ADCY7: variants seen among roughly 807,000 people sequenced by gnomAD.
ADCY7 encodes adenylate cyclase 7, also known as adenylate cyclase type 7.
A neutral mutation model predicts 120.6 loss-of-function variants in ADCY7; 72 were observed. The ratio of observed to expected loss-of-function variants is 0.60; its 90% confidence interval spans 0.49 to 0.73. The LOEUF (loss-of-function observed/expected upper bound fraction) is 0.73. ADCY7 is among the 30% of genes least tolerant of loss of function. The pLI, the probability that ADCY7 is intolerant of heterozygous loss-of-function variation, is 0.00. For missense variants in ADCY7, 1,227 were observed against 1,486.0 expected, an observed-to-expected ratio of 0.83 and a Z score of 2.87; for synonymous variants, 661 against 628.0, an observed-to-expected ratio of 1.05 and a Z score of -0.78.
At chr16:50,282,548 G>C (rs1177477135) in intron 1 of ADCY7, among the ~76,000 whole-genome samples, 2 of 152,188 alleles carry the variant, frequency 1.3e-5, no homozygotes, top group Non-Finnish European at 2.9e-5. Context: ...AAGGCAGAGG[G>C]AAGTAATTCG....
intron 21 of ADCY7, 53 bp from the exon 22 acceptor site, chr16:50,312,837 T>TAC: frequency 1.9e-6 from 3 of 1,591,146 alleles, no homozygotes; most frequent in Non-Finnish European, 2.6e-6. Flanking sequence ...TTGCCACTCT[T>TAC]CCTGTCCCCT....
At chr16:50,262,891 C>T (rs138088381), upstream of ADCY7, among the ~76,000 whole-genome samples, 429 of 152,266 alleles carry the variant, frequency 2.8e-3, 2 homozygotes, top group Admixed American at 7.5e-3. Flanking sequence ...TGAAAGAAAG[C>T]GGGTGTTTGT....
chr16:50,253,764 C>A (rs988779303), intron 1 of ADCY7, among the ~76,000 whole-genome samples: 1 of 152,128 alleles, frequency 6.6e-6, no homozygotes, highest in African/African-American at 2.4e-5. Flanking sequence ...GCACTGGAAG[C>A]CTTTAAGCTC....
intron 7 of ADCY7, among the ~76,000 whole-genome samples, chr16:50,295,995 A>C (rs1358698122): frequency 2.0e-5 from 3 of 152,220 alleles, no homozygotes; most frequent in Admixed American, 2.0e-4. Flanking sequence ...CTGTACATGC[A>C]AATCACATGG....
At chr16:50,300,961 T>A (rs1411867330) in intron 9 of ADCY7, 88 bp downstream of exon 9, 6 of 1,531,302 alleles carry the variant, frequency 3.9e-6, no homozygotes, top group Non-Finnish European at 5.3e-6. Flanking sequence ...GGGTCAGGTG[T>A]GGAGGGAGAG....
At chr16:50,299,961 G>T (rs977528869) in intron 8 of ADCY7, among the ~76,000 whole-genome samples, 1 of 152,182 alleles carries the variant, frequency 6.6e-6, no homozygotes, top group African/African-American at 2.4e-5. Flanking sequence ...AACTCCCAGG[G>T]CCCCTGCTTC....
intron 5 of ADCY7, 58 bp downstream of exon 5, chr16:50,292,883 T>G: frequency 6.3e-7 from 1 of 1,580,766 alleles, no homozygotes; most frequent in Admixed American, 1.7e-5. Flanking sequence ...CTCTTTCTGT[T>G]GGACATGAGA....
intron 24 of ADCY7, 59 bp from the exon 25 acceptor site, chr16:50,314,955 A>C: frequency 2.5e-6 from 4 of 1,602,408 alleles, no homozygotes; most frequent in Admixed American, 1.7e-5. Flanking sequence ...GGCCTCCTCT[A>C]AGGGCAGAAG....
intron 12 of ADCY7, 60 bp downstream of exon 12, chr16:50,305,019 C>T: frequency 6.3e-7 from 1 of 1,596,720 alleles, no homozygotes; most frequent in Non-Finnish European, 8.6e-7. Flanking sequence ...AGCAGGCTGC[C>T]CTGAGCAGCC....
chr16:50,292,679 C>T lies in ADCY7; in HGVS notation c.541C>T (p.Leu181=). The T allele has an allele frequency of 1.9e-6, 3 of 1,613,728 alleles. No homozygotes were observed. The highest frequency in any genetic ancestry group is 1.7e-6 in the Non-Finnish European group (2 of 1,179,848). ...TPSVRVGLQL[L]ANAVIFLCGN... is the part of the protein sequence containing the mutation. Reference sequence around the variant, plus strand: ...CCAAACCCCTGTCTACCCGCAGCTGCTGGCCAACGCAGTCATCTTCCTGTG... The same window carrying T: ...CCAAACCCCTGTCTACCCGCAGCTGTTGGCCAACGCAGTCATCTTCCTGTG... The change falls in exon 5 of 26, where the codon CTG becomes TTG. Residue 181 remains leucine, a synonymous_variant. Transcript: ENST00000673801.
intron 19 of ADCY7, 113 bp from the exon 20 acceptor site, chr16:50,311,580 C>G: frequency 1.3e-6 from 1 of 778,560 alleles, no homozygotes; most frequent in Non-Finnish European, 2.3e-6. Context: ...CTACCCACCC[C>G]ATTAGAATCA....
In ADCY7 at chr16:50,304,374, C is replaced by A. The variant is rs750277895; in HGVS notation, c.1383C>A (p.Pro461=). The part of the protein sequence containing the change: ...LVIDPRSQQP[P]PPSQHLPRPK... Reference sequence around the variant, plus strand: ...TCTGCCCGCAGAGCCAGCAGCCACCCCCGCCCAGCCAACACCTCCCCAGGC... The same window carrying A: ...TCTGCCCGCAGAGCCAGCAGCCACCACCGCCCAGCCAACACCTCCCCAGGC... The change falls in exon 11 of 26, where the codon CCC becomes CCA. Residue 461 remains proline (P), a synonymous_variant. Transcript: ENST00000673801. 152 of 1,537,098 alleles carry A rather than the reference C, an allele frequency of 9.9e-5. No individual in the cohort carries two copies. Among genetic ancestry groups the A allele is most frequent in the Admixed American group, 3.5e-4 (18 of 50,916 alleles).
At chr16:50,265,437 G>T (rs941574234), upstream of ADCY7, among the ~76,000 whole-genome samples, 1 of 152,160 alleles carries the variant, frequency 6.6e-6, no homozygotes, top group Non-Finnish European at 1.5e-5. Flanking sequence ...CCTGCATGGG[G>T]CCTGGCACAG....
intron 16 of ADCY7, 23 bp downstream of exon 16, chr16:50,308,434 G>A (rs373218832): frequency 9.7e-5 from 156 of 1,613,536 alleles, no homozygotes; most frequent in African/African-American, 1.9e-4. Context: ...CTCTGGCCCC[G>A]CGGGCCCTCC....
intron 7 of ADCY7, among the ~76,000 whole-genome samples, chr16:50,296,945 T>C (rs2035391531): frequency 1.3e-5 from 2 of 152,360 alleles, no homozygotes; most frequent in East Asian, 3.9e-4. Flanking sequence ...GCATGGCTTC[T>C]GAACCAGCAG....
intron 2 of ADCY7, among the ~76,000 whole-genome samples, chr16:50,289,842 G>T (rs1285952214): frequency 6.6e-6 from 1 of 152,234 alleles, no homozygotes; most frequent in African/African-American, 2.4e-5. Flanking sequence ...GTGTTTATGT[G>T]AGTGAAGTGG....
At position 50,304,437 on chromosome 16, in the gene ADCY7, G is replaced by A. The variant is rs75866208; in HGVS notation, c.1446G>A (p.Val482=). Residue 482 remains valine (V), a synonymous_variant, in exon 11 of 26, where the codon GTG becomes GTA. Coordinates refer to ENST00000673801, the MANE Select transcript of ADCY7 (RefSeq NM_001114.5). The stretch of plus-strand genomic sequence containing the variant: ...CGGCCCTGAAGATGCGGGCGTCAGT[G>A]CGCATGACCCGGTACCTCGAGTCCT... ...GDAALKMRAS[V]RMTRYLESWG... The A allele has an allele frequency of 4.5e-5, 72 of 1,608,582 alleles. No homozygotes were observed. The Middle Eastern group carries it at 6.6e-4, about 15-fold the overall frequency.
intron 1 of ADCY7, among the ~76,000 whole-genome samples, chr16:50,247,798 T>C (rs2150770397): frequency 6.6e-6 from 1 of 152,308 alleles, no homozygotes; most frequent in Middle Eastern, 3.4e-3. Context: ...AAGCTGCCTC[T>C]CCTCTGCTCG....
chr16:50,303,421 G>T (rs1448562115), intron 10 of ADCY7, among the ~76,000 whole-genome samples: 3 of 152,148 alleles, frequency 2.0e-5, no homozygotes, highest in Non-Finnish European at 4.4e-5. Context: ...GGTGTTTGTG[G>T]GGCCCTAGGA....
Sources: allele counts gnomAD v4.1 joint callset (sites outside exome capture counted in the v4.1 genomes callset), GRCh38; gene constraint gnomAD v4.1.1; transcripts MANE v1.5; gene names NCBI Gene and HGNC (gene_info 2026-07-23, HGNC 2026-07-21).